The following MICU2 variants were observed in gnomAD, a reference collection of about 807,000 sequenced individuals.
MICU2 encodes mitochondrial calcium uptake 2.
MICU2 carries 64 observed loss-of-function variants against 60.4 expected under a neutral mutation model. That is an observed-to-expected ratio of 1.06 (90% CI 0.87 to 1.31). The LOEUF (loss-of-function observed/expected upper bound fraction) is 1.31, where lower values mean the gene tolerates loss of function less well. Among genes scored for constraint, MICU2 ranks in the 50% most tolerant of loss-of-function variants. The pLI, the probability that MICU2 is intolerant of heterozygous loss-of-function variation, is 0.00. For missense variants in MICU2, 569 were observed against 531.0 expected, an observed-to-expected ratio of 1.07 and a Z score of -0.70; for synonymous variants, 201 against 175.0, an observed-to-expected ratio of 1.15 and a Z score of -1.17.
intron 4 of MICU2, among the ~76,000 whole-genome samples, chr13:21,522,875 GTT>G (rs1249597058): frequency 2.0e-5 from 3 of 152,178 alleles, no homozygotes; most frequent in African/African-American, 7.2e-5. Context: ...GTGATGGTTG[GTT>G]TTAAGTGTCA....
chr13:21,563,614 TCTTTC>T (rs570791184), intron 2 of MICU2, among the ~76,000 whole-genome samples: 13 of 152,160 alleles, frequency 8.5e-5, no homozygotes, highest in African/African-American at 2.9e-4. Flanking sequence ...CTTCTTTTCC[TCTTTC>T]TTTTTTTCCT....
intron 2 of MICU2, among the ~76,000 whole-genome samples, chr13:21,564,553 G>A (rs1332636811): frequency 3.9e-5 from 6 of 152,140 alleles, no homozygotes; most frequent in African/African-American, 1.2e-4. Flanking sequence ...CTGTGTGACT[G>A]TGAAGGGATG....
intron 1 of MICU2, 38 bp from the exon 2 acceptor site, chr13:21,566,982 G>A (rs763064465): frequency 1.3e-6 from 2 of 1,550,230 alleles, no homozygotes; most frequent in Non-Finnish European, 1.8e-6. Flanking sequence ...GATTTTTTCA[G>A]TGTTATTCCC....
intron 2 of MICU2, among the ~76,000 whole-genome samples, chr13:21,548,914 T>A (rs1887478236): frequency 6.7e-6 from 1 of 149,062 alleles, no homozygotes; most frequent in South Asian, 2.1e-4. Flanking sequence ...AGAAGACAAG[T>A]TTGAGAGTTT....
intron 1 of MICU2, among the ~76,000 whole-genome samples, chr13:21,589,686 C>T (rs1435942803): frequency 6.6e-6 from 1 of 152,186 alleles, no homozygotes; most frequent in Non-Finnish European, 1.5e-5. Flanking sequence ...GGATTACCTG[C>T]TCCACCCTGA....
intron 4 of MICU2, among the ~76,000 whole-genome samples, chr13:21,533,776 T>TA (rs1196127642): frequency 1.3e-5 from 2 of 152,008 alleles, no homozygotes; most frequent in African/African-American, 4.8e-5. Context: ...AGCCCTAATT[T>TA]AAAAAAATAG....
intron 8 of MICU2, among the ~76,000 whole-genome samples, chr13:21,504,320 A>G (rs912807838): frequency 1.3e-5 from 2 of 152,000 alleles, no homozygotes; most frequent in African/African-American, 4.8e-5. Flanking sequence ...ATGAGTGTAC[A>G]CTGAATTAGG....
chr13:21,496,329 A>G, intron 9 of MICU2, 169 bp from the exon 10 acceptor site: 1 of 561,538 alleles, frequency 1.8e-6, no homozygotes, highest in South Asian at 2.3e-5. Flanking sequence ...AAATGGCCAC[A>G]CAAAGGGCAC....
At chr13:21,502,765 T>TC in intron 9 of MICU2, 161 bp downstream of exon 9, 4 of 533,106 alleles carry the variant, frequency 7.5e-6, no homozygotes, top group Non-Finnish European at 1.2e-5. Flanking sequence ...CTTAGGCAGT[T>TC]TTCCTTTACA....
At chr13:21,569,997 G>C (rs1888072122) in intron 1 of MICU2, among the ~76,000 whole-genome samples, 1 of 151,990 alleles carries the variant, frequency 6.6e-6, no homozygotes, top group Admixed American at 6.6e-5. Context: ...ATGGTAGTTG[G>C]GAAAGTTTTT....
At chr13:21,541,367 G>C (rs1887280144) in intron 2 of MICU2, among the ~76,000 whole-genome samples, 1 of 152,042 alleles carries the variant, frequency 6.6e-6, no homozygotes, top group South Asian at 2.1e-4. Flanking sequence ...AATACTATGT[G>C]AATGAAATAC....
At chr13:21,501,468 T>C (rs900813629) in intron 9 of MICU2, among the ~76,000 whole-genome samples, 5 of 152,182 alleles carry the variant, frequency 3.3e-5, no homozygotes, top group Non-Finnish European at 5.9e-5. Context: ...TTCACCGTGT[T>C]AACCAGGATG....
At chr13:21,569,572 G>C (rs1246047786) in intron 1 of MICU2, among the ~76,000 whole-genome samples, 1 of 151,854 alleles carries the variant, frequency 6.6e-6, no homozygotes, top group Non-Finnish European at 1.5e-5. Flanking sequence ...ACTGAATTGA[G>C]CATTTACTAA....
At chr13:21,596,803 G>A (rs1038864002) in intron 1 of MICU2, among the ~76,000 whole-genome samples, 11 of 152,108 alleles carry the variant, frequency 7.2e-5, no homozygotes, top group African/African-American at 1.2e-4. Flanking sequence ...TTGCTAAGAG[G>A]ATTTTCAGCC....
chr13:21,533,280 T>A (rs1339584577), intron 4 of MICU2, among the ~76,000 whole-genome samples: 1 of 152,068 alleles, frequency 6.6e-6, no homozygotes, highest in Non-Finnish European at 1.5e-5. Flanking sequence ...GAGTATAGAA[T>A]GATTTTATAT....
At chr13:21,584,804 T>C (rs1315871177) in intron 1 of MICU2, among the ~76,000 whole-genome samples, 2 of 152,214 alleles carry the variant, frequency 1.3e-5, no homozygotes, top group African/African-American at 2.4e-5. Context: ...TTTAAATTCA[T>C]ATACTGCTAC....
intron 1 of MICU2, chr13:21,603,680 G>C: frequency 1.8e-6 from 1 of 541,968 alleles, no homozygotes; most frequent in Non-Finnish European, 3.3e-6. Flanking sequence ...AGTTTTGTGG[G>C]CCGTGGTGTT....
rs1251831752 is a variant in MICU2 at position 21,539,651 on chromosome 13, G to A, written c.390+6C>T. On this transcript the variant is annotated splice_donor_region_variant and intron_variant, in intron 3 of 11. Coordinates refer to ENST00000382374, the MANE Select transcript of MICU2 (RefSeq NM_152726.3). ...CAAACCCTGCCCCCCACAACATGAT[G>A]CTTACCTTTTTTGTCAGCTTCTTGA... 1 of 1,613,874 alleles carries A rather than the reference G, an allele frequency of 6.2e-7. No homozygotes were observed.
intron 4 of MICU2, chr13:21,530,852 G>T: frequency 1.4e-6 from 1 of 734,864 alleles, no homozygotes; most frequent in Non-Finnish European, 2.5e-6. Flanking sequence ...GGGTTTCTGA[G>T]CCTGGACTCA....
Sources: allele counts gnomAD v4.1 joint callset (sites outside exome capture counted in the v4.1 genomes callset), GRCh38; gene constraint gnomAD v4.1.1; transcripts MANE v1.5; gene names NCBI Gene and HGNC (gene_info 2026-07-23, HGNC 2026-07-21).